The following AGMO variants were observed in gnomAD, a reference collection of about 807,000 sequenced individuals.
AGMO encodes the protein glyceryl-ether monooxygenase.
A neutral mutation model predicts 60.2 loss-of-function variants in AGMO; 75 were observed. The observed-to-expected ratio is 1.25, with a 90% CI of 1.03 to 1.51. AGMO has a LOEUF of 1.51. Among genes scored for constraint, AGMO ranks in the 40% most tolerant of loss-of-function variants. AGMO has a pLI of 0.00. For synonymous variants in AGMO, 261 were observed against 177.1 expected, an observed-to-expected ratio of 1.47 and a Z score of -3.76; for missense variants, 763 against 525.5, an observed-to-expected ratio of 1.45 and a Z score of -4.42.
intron 12 of AGMO, among the ~76,000 whole-genome samples, chr7:15,344,061 ATATAAAT>A (rs1781948945): frequency 1.3e-5 from 2 of 152,188 alleles, no homozygotes; most frequent in Non-Finnish European, 2.9e-5. Context: ...ATGGGGATTG[ATATAAAT>A]TAAAATGTAA....
intron 3 of AGMO, among the ~76,000 whole-genome samples, chr7:15,523,020 A>G (rs573268281): frequency 1.8e-4 from 28 of 152,294 alleles, no homozygotes; most frequent in Middle Eastern, 6.8e-3. Context: ...ACCTTATCAA[A>G]AAGTGGGCAA....
At chr7:15,228,711 G>T (rs2128498858) in intron 12 of AGMO, among the ~76,000 whole-genome samples, 1 of 152,226 alleles carries the variant, frequency 6.6e-6, no homozygotes, top group South Asian at 2.1e-4. Context: ...TTCATGTTTT[G>T]CCATAGTAGT....
intron 12 of AGMO, among the ~76,000 whole-genome samples, chr7:15,254,446 A>G (rs535122737): frequency 2.0e-5 from 3 of 152,076 alleles, no homozygotes; most frequent in African/African-American, 7.2e-5. Context: ...AGGTGAGGTG[A>G]TATCTGATTG....
chr7:15,474,948 T>C (rs1212381914), intron 3 of AGMO, among the ~76,000 whole-genome samples: 1 of 151,984 alleles, frequency 6.6e-6, no homozygotes, highest in Non-Finnish European at 1.5e-5. Context: ...AAAAAGCTCA[T>C]CATCCCTGGT....
intron 12 of AGMO, among the ~76,000 whole-genome samples, chr7:15,339,858 T>G (rs938191596): frequency 6.6e-6 from 1 of 152,240 alleles, no homozygotes; most frequent in Non-Finnish European, 1.5e-5. Context: ...CAATCGTAAT[T>G]TTTAGCCCTA....
intron 3 of AGMO, among the ~76,000 whole-genome samples, chr7:15,457,823 C>A: frequency 6.6e-6 from 1 of 152,070 alleles, no homozygotes; most frequent in East Asian, 1.9e-4. Context: ...TAACCAAGTT[C>A]TATAGTTAAT....
intron 12 of AGMO, among the ~76,000 whole-genome samples, chr7:15,346,929 CTT>C (rs1436978140): frequency 2.6e-5 from 4 of 151,994 alleles, no homozygotes; most frequent in African/African-American, 9.6e-5. Flanking sequence ...AAAAACGACT[CTT>C]TGGAGTGTAA....
At chr7:15,437,791 C>G (rs888369519) in intron 3 of AGMO, among the ~76,000 whole-genome samples, 1 of 152,096 alleles carries the variant, frequency 6.6e-6, no homozygotes, top group African/African-American at 2.4e-5. Context: ...CCGCCCGCCT[C>G]GGCCTCACAA....
intron 5 of AGMO, chr7:15,396,583 G>C (rs564512251): frequency 1.3e-5 from 2 of 152,274 alleles, no homozygotes; most frequent in Admixed American, 6.6e-5. Flanking sequence ...GCCGCTCCTT[G>C]CTTGGATCGC....
intron 12 of AGMO, among the ~76,000 whole-genome samples, chr7:15,221,786 G>C (rs930143963): frequency 1.3e-5 from 2 of 152,056 alleles, no homozygotes; most frequent in Non-Finnish European, 2.9e-5. Flanking sequence ...TTCCCCTAGA[G>C]AAAAATCCAA....
intron 12 of AGMO, among the ~76,000 whole-genome samples, chr7:15,294,153 T>A (rs761555154): frequency 6.6e-5 from 10 of 152,052 alleles, no homozygotes; most frequent in Non-Finnish European, 1.5e-4. Context: ...GTAAATACTA[T>A]TTAGATTCAT....
At chr7:15,355,344 T>C (rs1344387152) in intron 12 of AGMO, among the ~76,000 whole-genome samples, 1 of 151,254 alleles carries the variant, frequency 6.6e-6, no homozygotes, top group Non-Finnish European at 1.5e-5. Flanking sequence ...CTACTAAAAA[T>C]ACAAAAAAAT....
chr7:15,134,298 G>A, the AGMO span, among the ~76,000 whole-genome samples: 6 of 152,102 alleles, frequency 3.9e-5, no homozygotes, highest in Non-Finnish European at 5.9e-5. Context: ...GAGTAGCTGG[G>A]ACCACAGGTG....
intron 12 of AGMO, among the ~76,000 whole-genome samples, chr7:15,221,419 C>T (rs1781918040): frequency 6.6e-6 from 1 of 152,004 alleles, no homozygotes; most frequent in South Asian, 2.1e-4. Flanking sequence ...AAAAAAATGA[C>T]ACGGCTAAAA....
intron 12 of AGMO, among the ~76,000 whole-genome samples, chr7:15,267,472 T>G (rs2128511980): frequency 6.6e-6 from 1 of 152,136 alleles, no homozygotes; most frequent in Non-Finnish European, 1.5e-5. Context: ...GCACCAAAAA[T>G]GATTTTATCC....
intron 12 of AGMO, among the ~76,000 whole-genome samples, chr7:15,322,093 C>T (rs116217398): frequency 0.017 from 2,623 of 151,772 alleles, 72 homozygotes; most frequent in African/African-American, 0.06. Context: ...ATTGCTTGAG[C>T]CCAGGAATTC....
At chr7:15,144,864 C>G in the AGMO span, among the ~76,000 whole-genome samples, 1 of 152,216 alleles carries the variant, frequency 6.6e-6, no homozygotes, top group African/African-American at 2.4e-5. Flanking sequence ...GAGTCTCGCT[C>G]TGCCGCCCAG....
chr7:15,517,358 C>T (rs535341847), intron 3 of AGMO, among the ~76,000 whole-genome samples: 1 of 151,080 alleles, frequency 6.6e-6, no homozygotes, highest in African/African-American at 2.4e-5. Context: ...TTTATTAAGG[C>T]ACCCAGATTC....
the AGMO span, among the ~76,000 whole-genome samples, chr7:15,158,594 C>T: frequency 6.6e-6 from 1 of 152,272 alleles, no homozygotes; most frequent in Admixed American, 6.5e-5. Context: ...GAAATAGTTT[C>T]ATGCCAATGA....
Sources: allele counts gnomAD v4.1 joint callset (sites outside exome capture counted in the v4.1 genomes callset), GRCh38; gene constraint gnomAD v4.1.1; transcripts MANE v1.5; gene names NCBI Gene and HGNC (gene_info 2026-07-23, HGNC 2026-07-21).